The following LYN variants were observed in gnomAD, a reference collection of about 807,000 sequenced individuals.
The protein encoded by LYN is tyrosine-protein kinase Lyn.
Under a neutral mutation model 65.0 loss-of-function variants are expected in LYN, and 12 were observed. The observed-to-expected ratio is 0.18, with a 90% CI of 0.12 to 0.30. LYN has a LOEUF of 0.30. Ranked by LOEUF, LYN falls within the 10% of genes least tolerant of loss-of-function variation. LYN has a pLI of 1.00. For synonymous variants in LYN, 222 were observed against 221.2 expected (o/e 1.00, Z -0.03); for missense variants, 380 against 623.2 (o/e 0.61, Z 4.16).
intron 8 of LYN, among the ~76,000 whole-genome samples, chr8:55,957,473 G>A (rs960975586): frequency 2.0e-5 from 3 of 152,188 alleles, no homozygotes; most frequent in African/African-American, 7.2e-5. Context: ...TAAATCAGTA[G>A]CCCTGCATAT....
intron 2 of LYN, among the ~76,000 whole-genome samples, chr8:55,945,598 C>A (rs1806751489): frequency 6.6e-6 from 1 of 152,186 alleles, no homozygotes; most frequent in African/African-American, 2.4e-5. Flanking sequence ...GTGGTATAGG[C>A]CTCTGACAGC....
intron 9 of LYN, among the ~76,000 whole-genome samples, chr8:55,967,586 G>A (rs1046949700): frequency 5.3e-5 from 8 of 152,122 alleles, no homozygotes; most frequent in African/African-American, 1.9e-4. Context: ...AAAGTGCTAG[G>A]ATTACAGGCA....
At position 55,950,691 on chromosome 8, in the gene LYN, A is replaced by G; in HGVS notation, c.394A>G (p.Lys132Glu). The change falls in exon 6 of 13, where the codon AAG (lysine) becomes GAG (glutamate). Residue 132 changes from lysine to glutamate, a missense_variant. This residue lies in a region of LYN where 157 missense variants were observed against 193.2 expected (regional missense o/e 0.81). Transcript: ENST00000519728. ...NTLETEEWFFKDITRKDAERQ... is the reference protein window; with the variant it reads ...NTLETEEWFFEDITRKDAERQ... The stretch of plus-strand genomic sequence containing the variant: ...GAAATGTCTTCACAGGTGGTTTTTC[A>G]AGGATATAACCAGGAAGGACGCAGA... The G allele has an allele frequency of 6.2e-7, 1 of 1,613,250 alleles. No homozygotes were observed. The highest frequency in any genetic ancestry group is 1.1e-5 in the South Asian group (1 of 91,068).
chr8:55,959,884 A>G (rs1167367502), intron 8 of LYN, among the ~76,000 whole-genome samples: 1 of 152,218 alleles, frequency 6.6e-6, no homozygotes, highest in Admixed American at 6.5e-5. Flanking sequence ...ACTTATAATA[A>G]CACTATGTTA....
rs113033827 is a variant in LYN, at chr8:55,910,100, G to A, written c.-6+29997G>A. On this transcript the variant is annotated intron_variant, in intron 1 of 12. Coordinates refer to ENST00000519728, the MANE Select transcript of LYN (RefSeq NM_002350.4). ...ACTTTCTCCCATTCTGCAGGTTGTC[G>A]GTTCATTCCTGTTGAGTATTTCTTT... is the stretch of plus-strand genomic sequence containing the variant. Among the ~76,000 whole-genome samples the A allele has an allele frequency of 4.8e-3, 724 of 151,184 alleles. 6 individuals carry two copies. The highest frequency in any genetic ancestry group is 0.016 in the African/African-American group (664 of 41,216).
intron 1 of LYN, among the ~76,000 whole-genome samples, chr8:55,906,418 G>T (rs976421905): frequency 6.6e-6 from 1 of 151,974 alleles, no homozygotes; most frequent in African/African-American, 2.4e-5. Context: ...ACCCAGCAAT[G>T]GCGTGATTTC....
intron 10 of LYN, among the ~76,000 whole-genome samples, chr8:55,987,623 G>A (rs1353212536): frequency 1.3e-5 from 2 of 152,038 alleles, no homozygotes; most frequent in Non-Finnish European, 2.9e-5. Context: ...ACCACATTGG[G>A]CAGGCTGGTC....
intron 2 of LYN, among the ~76,000 whole-genome samples, chr8:55,944,865 T>C (rs1330728795): frequency 6.6e-6 from 1 of 152,238 alleles, no homozygotes; most frequent in Non-Finnish European, 1.5e-5. Flanking sequence ...CACACCGCTT[T>C]TTCCTCTTGT....
intron 1 of LYN, among the ~76,000 whole-genome samples, chr8:55,921,426 A>G (rs1240097996): frequency 6.6e-6 from 1 of 152,248 alleles, no homozygotes; most frequent in Non-Finnish European, 1.5e-5. Context: ...CTCTAGAGTT[A>G]CATAACAGAC....
intron 12 of LYN, among the ~76,000 whole-genome samples, chr8:56,004,239 T>G (rs1386017422): frequency 6.6e-6 from 1 of 151,482 alleles, no homozygotes; most frequent in African/African-American, 2.4e-5. Context: ...GCCTAAATAT[T>G]TTATTCTTAT....
chr8:55,966,658 TC>T, intron 8 of LYN, 56 bp from the exon 9 acceptor site: 1 of 1,516,734 alleles, frequency 6.6e-7, no homozygotes, highest in Middle Eastern at 1.8e-4. Flanking sequence ...GTGAGCCACC[TC>T]CCCCGGCTAG....
intron 1 of LYN, among the ~76,000 whole-genome samples, chr8:55,885,208 G>T (rs754500406): frequency 6.6e-6 from 1 of 152,204 alleles, no homozygotes; most frequent in African/African-American, 2.4e-5. Flanking sequence ...CTATAGAACT[G>T]CATGAATCGG....
intron 1 of LYN, among the ~76,000 whole-genome samples, chr8:55,886,907 G>A (rs1161021623): frequency 6.6e-6 from 1 of 152,146 alleles, no homozygotes; most frequent in Non-Finnish European, 1.5e-5. Flanking sequence ...GTTTTGAAAT[G>A]CACAATAGTT....
At chr8:55,969,644 G>C (rs1333879839) in intron 9 of LYN, 73 bp from the exon 10 acceptor site, 11 of 1,084,130 alleles carry the variant, frequency 1.0e-5, no homozygotes, top group Non-Finnish European at 1.4e-5. Context: ...TAATAGTAAT[G>C]ATGATGTGAA....
At chr8:55,911,281 ATATATTT>A (rs1205389107) in intron 1 of LYN, among the ~76,000 whole-genome samples, 4 of 43,158 alleles carry the variant, frequency 9.3e-5, no homozygotes, top group African/African-American at 3.3e-4. Flanking sequence ...ATATATATAT[ATATATTT>A]TTTTTTTTTT....
chr8:55,966,611 A>G (rs931613569), intron 8 of LYN, 104 bp from the exon 9 acceptor site: 3 of 907,894 alleles, frequency 3.3e-6, no homozygotes, highest in Non-Finnish European at 5.0e-6. Context: ...CAGGTGACCC[A>G]CTCACCTCGA....
At chr8:55,906,447 C>T (rs1805422239) in intron 1 of LYN, among the ~76,000 whole-genome samples, 1 of 152,078 alleles carries the variant, frequency 6.6e-6, no homozygotes, top group Non-Finnish European at 1.5e-5. Context: ...GCAACTTCCA[C>T]CTCCTGGCTT....
intron 1 of LYN, among the ~76,000 whole-genome samples, chr8:55,896,514 G>A (rs1479811180): frequency 6.6e-6 from 1 of 151,924 alleles, no homozygotes; most frequent in African/African-American, 2.4e-5. Context: ...GGGGGTGGGG[G>A]GCCTAAGGGA....
intron 1 of LYN, among the ~76,000 whole-genome samples, chr8:55,897,800 C>A (rs1269625201): frequency 6.6e-6 from 1 of 152,058 alleles, no homozygotes; most frequent in Admixed American, 6.6e-5. Flanking sequence ...GTATTCCCAG[C>A]TACTCAGGAG....
Sources: allele counts gnomAD v4.1 joint callset (sites outside exome capture counted in the v4.1 genomes callset), GRCh38; gene constraint gnomAD v4.1.1; regional missense constraint gnomAD v4.1.1; transcripts MANE v1.5; gene names NCBI Gene and HGNC (gene_info 2026-07-23, HGNC 2026-07-21).